Variants in PYROXD2 observed in about 807,000 individuals in gnomAD.
PYROXD2 encodes pyridine nucleotide-disulphide oxidoreductase domain 2.
Under a neutral mutation model 71.1 loss-of-function variants are expected in PYROXD2, and 69 were observed. The ratio of observed to expected loss-of-function variants is 0.97; its 90% CI spans 0.80 to 1.19. The LOEUF is 1.19. Among genes scored for constraint, PYROXD2 ranks in the 50% most tolerant of loss-of-function variants. The probability of loss-of-function intolerance (pLI) is 0.00; values close to 1 mark genes in which losing one functional copy is unlikely to be tolerated. For missense variants in PYROXD2, 745 were observed against 748.9 expected (o/e 0.99, Z 0.06); for synonymous variants, 287 against 302.7 (o/e 0.95, Z 0.54).
Position 98,407,621 on chromosome 10 carries a change from G to A in PYROXD2, c.276C>T (p.Ser92=), listed in dbSNP as rs755905310. 1.5e-5 allele frequency: 25 copies of A among 1,613,842 alleles called. 1 individual carries two copies. The highest frequency in any genetic ancestry group is 1.9e-5 in the Non-Finnish European group (22 of 1,179,990). The change falls in exon 4 of 16, where the codon AGC becomes AGT. Residue 92 remains serine, a synonymous_variant. Coordinates refer to ENST00000370575, the MANE Select transcript of PYROXD2 (RefSeq NM_032709.3). The part of the protein sequence containing the change: ...FKFSRASYLL[S]LLRPQIYTDL... ...CAGTGTAAATCTGCGGCCTCAGCAG[G>A]CTGAGCAGGTAGGACGCGCGGGAGA...
rs371795684 is a variant in PYROXD2, at chr10:98,395,178, C to G, written c.785+18G>C. The G allele has an allele frequency of 6.2e-7, 1 of 1,606,658 alleles. No individual in the cohort carries two copies. The highest frequency in any genetic ancestry group is 8.5e-7 in the Non-Finnish European group (1 of 1,173,510). ...AACATGCCCCACTCCTGTGTCCCACCTCACCCCCCTCACTCACCCACTCCC... is the reference window on the plus strand; with the variant it reads ...AACATGCCCCACTCCTGTGTCCCACGTCACCCCCCTCACTCACCCACTCCC... On this transcript the variant is annotated intron_variant, in intron 8 of 15. Transcript: ENST00000370575.
intron 4 of PYROXD2, among the ~76,000 whole-genome samples, chr10:98,405,681 GTGCACAC>G (rs1265458598): frequency 6.6e-6 from 1 of 152,198 alleles, no homozygotes; most frequent in Non-Finnish European, 1.5e-5. Context: ...CTCAGCCTCT[GTGCACAC>G]TGCGCTGGAG....
Position 98,388,554 on chromosome 10 carries a change from G to A in PYROXD2, c.1293-46C>T, listed in dbSNP as rs753285142. 9 of 1,482,236 alleles carry A rather than the reference G, an allele frequency of 6.1e-6. 1 individual carries two copies. The South Asian group carries it at 8.3e-5, about 14-fold the overall frequency. 91.8% of individuals were successfully genotyped at this position (1,482,236 alleles called of 1,614,324 possible). A position where few individuals can be genotyped will look rare whatever the true frequency, so the allele number is the denominator to read the frequency against. The stretch of plus-strand genomic sequence containing the variant: ...CGGCAGGTCTAAAGAGCAGCAGTGC[G>A]GAGGGTAGGGCATCCGAGATGACTT... On this transcript the variant is annotated intron_variant, in intron 12 of 15. Coordinates refer to ENST00000370575, the MANE Select transcript of PYROXD2 (RefSeq NM_032709.3).
rs201557747 is a variant in PYROXD2, at chr10:98,392,868, C to A, written c.927+74G>T. ...CTCTGTTCATTGGTAAAACAAGGGA[C>A]CTTCCAAATCTGAGACTTTGTTCTG... On this transcript the variant is annotated intron_variant, in intron 9 of 15. Transcript: ENST00000370575. The A allele has an allele frequency of 2.2e-3, 3,295 of 1,513,244 alleles. 5 individuals are homozygous for A. Among genetic ancestry groups the A allele is most frequent in the Non-Finnish European group, 2.7e-3 (2,996 of 1,099,998 alleles). 93.7% of individuals were successfully genotyped at this position (1,513,244 alleles called of 1,614,324 possible).
At chr10:98,393,229 T>C (rs1364946490) in intron 8 of PYROXD2, 146 bp from the exon 9 acceptor site, 7 of 645,190 alleles carry the variant, frequency 1.1e-5, no homozygotes, top group Non-Finnish European at 1.8e-5. Context: ...TGAGCTCAAG[T>C]TCTTGTAAGA....
chr10:98,392,652 T>C, intron 9 of PYROXD2, 86 bp from the exon 10 acceptor site: 2 of 1,552,576 alleles, frequency 1.3e-6, no homozygotes, highest in East Asian at 2.3e-5. Context: ...TCTGTGCTGC[T>C]CCTAGGCATT....
chr10:98,396,532 A>G (rs1843189235), intron 6 of PYROXD2, among the ~76,000 whole-genome samples: 1 of 152,200 alleles, frequency 6.6e-6, no homozygotes, highest in South Asian at 2.1e-4. Flanking sequence ...GGTAGAAAAT[A>G]ATAGCACACT....
intron 4 of PYROXD2, among the ~76,000 whole-genome samples, chr10:98,405,823 C>T (rs545450144): frequency 6.6e-6 from 1 of 152,230 alleles, no homozygotes; most frequent in Non-Finnish European, 1.5e-5. Context: ...GAGTAGGAGA[C>T]AGTCAGGCCT....
At chr10:98,401,435 C>A (rs1843407072) in intron 4 of PYROXD2, among the ~76,000 whole-genome samples, 1 of 152,002 alleles carries the variant, frequency 6.6e-6, no homozygotes, top group Admixed American at 6.5e-5. Context: ...TACACTACTG[C>A]ACACTTTATA....
intron 4 of PYROXD2, 59 bp from the exon 5 acceptor site, chr10:98,400,316 T>C: frequency 2.7e-6 from 4 of 1,507,540 alleles, no homozygotes; most frequent in African/African-American, 1.4e-5. Context: ...CTGCCCATCA[T>C]CTTTCTCCGA....
Position 98,407,786 on chromosome 10 carries a change from G to T in PYROXD2, c.241+118C>A, listed in dbSNP as rs1210910472. The T allele has an allele frequency of 5.8e-6, 6 of 1,032,794 alleles. 1 individual carries two copies. The Admixed American group carries it at 1.6e-4, about 27-fold the overall frequency. The allele number at this position is 1,032,794 out of a possible 1,614,324, so 64.0% of individuals were successfully genotyped here. A position where few individuals can be genotyped will look rare whatever the true frequency, so the allele number is the denominator to read the frequency against. On this transcript the variant is annotated intron_variant, in intron 3 of 15. Coordinates refer to ENST00000370575, the MANE Select transcript of PYROXD2 (RefSeq NM_032709.3). ...GAGACCGTCACCCGGGGTCAGCAGGGATGGAGACCGTCACCCGGGGTCAGC... is the reference window on the plus strand; with the variant it reads ...GAGACCGTCACCCGGGGTCAGCAGGTATGGAGACCGTCACCCGGGGTCAGC...
intron 4 of PYROXD2, among the ~76,000 whole-genome samples, chr10:98,400,864 A>G (rs940426581): frequency 2.6e-5 from 4 of 152,230 alleles, no homozygotes; most frequent in African/African-American, 9.6e-5. Context: ...CCTACCACAC[A>G]TAGGCTGTGG....
intron 9 of PYROXD2, 149 bp downstream of exon 9, chr10:98,392,793 G>T: frequency 1.8e-6 from 2 of 1,101,450 alleles, no homozygotes; most frequent in Non-Finnish European, 2.6e-6. Flanking sequence ...GCCACTAACA[G>T]ACTGCATGAC....
At chr10:98,389,844 G>A (rs887600670) in intron 12 of PYROXD2, among the ~76,000 whole-genome samples, 1 of 152,150 alleles carries the variant, frequency 6.6e-6, no homozygotes, top group African/African-American at 2.4e-5. Flanking sequence ...GGCTTTGCTT[G>A]CTGATCTGTG....
At chr10:98,385,166 TCTC>T (rs1842711976) in intron 14 of PYROXD2, 99 bp from the exon 15 acceptor site, 4 of 1,473,264 alleles carry the variant, frequency 2.7e-6, no homozygotes, top group Non-Finnish European at 3.7e-6. Flanking sequence ...CAAATGTTCT[TCTC>T]CTTCCAGGAT....
At position 98,391,449 on chromosome 10, in the gene PYROXD2, T is replaced by C. The variant is rs768178488; in HGVS notation, c.1063-367A>G. Among the ~76,000 whole-genome samples, 49 of 152,298 alleles carry C rather than the reference T, an allele frequency of 3.2e-4. 1 individual carries two copies. Among genetic ancestry groups the C allele is most frequent in the Non-Finnish European group, 5.3e-4 (36 of 68,022 alleles). On this transcript the variant is annotated intron_variant, in intron 10 of 15. Coordinates refer to ENST00000370575, the MANE Select transcript of PYROXD2 (RefSeq NM_032709.3). The stretch of plus-strand genomic sequence containing the variant: ...TTTACTGATGTTTGTTGAATTTTAG[T>C]AATGGAATCACTCAGAAAAAGTAGT...
In PYROXD2 at chr10:98,385,016, C is replaced by G. The variant is rs141962703; in HGVS notation, c.1606G>C (p.Val536Leu). The G allele has an allele frequency of 3.1e-6, 5 of 1,613,780 alleles. No homozygotes were observed. Among genetic ancestry groups the G allele is most frequent in the Non-Finnish European group, 4.2e-6 (5 of 1,179,868 alleles). Residue 536 changes from valine to leucine, a missense_variant, in exon 15 of 16, where the codon GTG (valine) becomes CTG (leucine). By Grantham distance (32) the Val-to-Leu change is conservative. Coordinates refer to ENST00000370575, the MANE Select transcript of PYROXD2 (RefSeq NM_032709.3). ...SLDQLYFARP[V>L]PLHSGYRCPL... ...CAGCGGTAGCCAGAATGCAGGGGCACGGGGCGGGCGAAGTAGAGCTGGTCC... is the reference window on the plus strand; with the variant it reads ...CAGCGGTAGCCAGAATGCAGGGGCAGGGGGCGGGCGAAGTAGAGCTGGTCC...
intron 14 of PYROXD2, among the ~76,000 whole-genome samples, chr10:98,386,235 T>G (rs962574760): frequency 2.0e-5 from 3 of 150,824 alleles, no homozygotes; most frequent in African/African-American, 7.4e-5. Flanking sequence ...GAGCCGTGAT[T>G]GCACTACTGC....
chr10:98,399,940 G>T (rs1450708461), intron 5 of PYROXD2, among the ~76,000 whole-genome samples, 162 bp downstream of exon 5: 1 of 152,228 alleles, frequency 6.6e-6, no homozygotes, highest in African/African-American at 2.4e-5. Context: ...TCTTCGCAGT[G>T]CCTGAGATCA....
Sources: gnomAD v4.1 joint callset for allele counts (sites outside exome capture counted in the v4.1 genomes callset) on GRCh38, gnomAD v4.1.1 for gene constraint, MANE v1.5 for transcripts, NCBI Gene and HGNC (gene_info 2026-07-23, HGNC 2026-07-21) for gene names.